The following DIAPH2 variants were observed in gnomAD, a reference collection of about 807,000 sequenced individuals.
DIAPH2 encodes diaphanous related formin 2.
DIAPH2 carries 35 observed loss-of-function variants against 92.7 expected under a neutral mutation model. That is an observed-to-expected ratio of 0.38 (90% CI 0.29 to 0.50). The LOEUF (loss-of-function observed/expected upper bound fraction) is 0.50, where lower values mean the gene tolerates loss of function less well. Among genes scored for constraint, DIAPH2 ranks in the 20% least tolerant of loss-of-function variants. The probability of loss-of-function intolerance (pLI) is 0.94; values close to 1 mark genes in which losing one functional copy is unlikely to be tolerated. For missense variants in DIAPH2, 701 were observed against 819.5 expected (o/e 0.86, Z 1.77); for synonymous variants, 301 against 280.4 (o/e 1.07, Z -0.73).
intron 26 of DIAPH2, among the ~76,000 whole-genome samples, chrX:97,589,343 C>T (rs1186174682): frequency 1.0e-5 from 1 of 96,701 alleles, no homozygotes; most frequent in Non-Finnish European, 2.0e-5. Flanking sequence ...AAAAAAGAGT[C>T]ATCCCACCAT....
At chrX:97,383,330 A>T (rs2069568700) in intron 24 of DIAPH2, among the ~76,000 whole-genome samples, 1 of 111,108 alleles carries the variant, frequency 9.0e-6, no homozygotes, top group Admixed American at 9.7e-5. Flanking sequence ...TCGCCATCAT[A>T]GACTAAAATT....
intron 26 of DIAPH2, among the ~76,000 whole-genome samples, chrX:97,438,338 G>GTTTTTT: frequency 1.9e-5 from 1 of 53,752 alleles, no homozygotes; most frequent in Non-Finnish European, 3.3e-5. Flanking sequence ...GCAGCTTCTT[G>GTTTTTT]TTTTTTTTTT....
chrX:96,898,414 C>A (rs1420326510), intron 5 of DIAPH2, among the ~76,000 whole-genome samples: 3 of 82,969 alleles, frequency 3.6e-5, no homozygotes, highest in African/African-American at 1.1e-4. Flanking sequence ...TAATGATTGC[C>A]ATTCTAACTG....
At chrX:96,807,330 A>C (rs182020797) in intron 4 of DIAPH2, among the ~76,000 whole-genome samples, 43 of 111,824 alleles carry the variant, frequency 3.8e-4, no homozygotes, top group African/African-American at 1.4e-3. Context: ...GAAAATGTTA[A>C]AGAGTTTATT....
At chrX:97,542,858 T>G (rs2071150876) in intron 26 of DIAPH2, among the ~76,000 whole-genome samples, 1 of 110,474 alleles carries the variant, frequency 9.1e-6, no homozygotes, top group African/African-American at 3.3e-5. Flanking sequence ...GACAAGGGAG[T>G]GTTTTCTAAA....
intron 24 of DIAPH2, among the ~76,000 whole-genome samples, chrX:97,367,771 C>T (rs1246557181): frequency 2.8e-5 from 3 of 106,565 alleles, no homozygotes; most frequent in East Asian, 2.9e-4. Flanking sequence ...GGCACAATCT[C>T]GGTTCACTGC....
At chrX:96,832,788 AG>A (rs1454020067) in intron 4 of DIAPH2, among the ~76,000 whole-genome samples, 1 of 111,708 alleles carries the variant, frequency 9.0e-6, no homozygotes, top group African/African-American at 3.3e-5. Context: ...CAATGATTCC[AG>A]GGCTTTTCCC....
At chrX:97,520,699 T>A (rs2070984831) in intron 26 of DIAPH2, among the ~76,000 whole-genome samples, 1 of 112,044 alleles carries the variant, frequency 8.9e-6, no homozygotes, top group Admixed American at 9.5e-5. Flanking sequence ...ATATGTAAAT[T>A]AAGGCTAGTT....
chrX:96,948,339 C>T (rs1191670260), intron 14 of DIAPH2, among the ~76,000 whole-genome samples: 1 of 111,588 alleles, frequency 9.0e-6, no homozygotes, highest in East Asian at 2.8e-4. Context: ...TTTGGGAGGC[C>T]GAGGCAGGTG....
intron 23 of DIAPH2, among the ~76,000 whole-genome samples, chrX:97,337,832 G>A (rs2069077979): frequency 9.1e-6 from 1 of 109,704 alleles, no homozygotes; most frequent in East Asian, 2.9e-4. Context: ...CTGCTCTGAT[G>A]GGTGGCAGTA....
intron 22 of DIAPH2, among the ~76,000 whole-genome samples, chrX:97,196,312 T>G (rs756580406): frequency 8.9e-6 from 1 of 111,829 alleles, no homozygotes; most frequent in Non-Finnish European, 1.9e-5. Flanking sequence ...AAGGGATTTT[T>G]GGTATTATAT....
At chrX:97,409,989 A>T (rs747687770) in intron 25 of DIAPH2, among the ~76,000 whole-genome samples, 3 of 112,298 alleles carry the variant, frequency 2.7e-5, no homozygotes, top group Admixed American at 1.9e-4. Flanking sequence ...AGACTTAAAC[A>T]TCCCTGTCTG....
chrX:97,496,682 G>A (rs1196532487), intron 26 of DIAPH2, among the ~76,000 whole-genome samples: 1 of 88,860 alleles, frequency 1.1e-5, no homozygotes, highest in Non-Finnish European at 2.1e-5. Context: ...TTTCCGAGAC[G>A]GAGTTTTGCT....
intron 26 of DIAPH2, among the ~76,000 whole-genome samples, chrX:97,482,216 CT>C (rs1260528584): frequency 8.9e-6 from 1 of 112,149 alleles, no homozygotes; most frequent in East Asian, 2.8e-4. Flanking sequence ...CATTCTCAAT[CT>C]TTTTAAACAG....
intron 4 of DIAPH2, among the ~76,000 whole-genome samples, chrX:96,769,709 A>G (rs2064325640): frequency 8.9e-6 from 1 of 111,744 alleles, no homozygotes; most frequent in South Asian, 3.8e-4. Context: ...CTCAGTCAAA[A>G]AAACAAGCCC....
chrX:96,850,975 T>C (rs900656158), intron 4 of DIAPH2, among the ~76,000 whole-genome samples: 2 of 111,939 alleles, frequency 1.8e-5, no homozygotes, highest in Non-Finnish European at 3.8e-5. Flanking sequence ...CTTATCTTTT[T>C]CCCCCCATTC....
At chrX:97,386,778 C>G (rs2069605811) in intron 25 of DIAPH2, among the ~76,000 whole-genome samples, 1 of 107,282 alleles carries the variant, frequency 9.3e-6, no homozygotes, top group Non-Finnish European at 1.9e-5. Flanking sequence ...AGATTGTGAG[C>G]TCTCTTTCTT....
intron 26 of DIAPH2, among the ~76,000 whole-genome samples, chrX:97,592,457 A>G (rs1433898362): frequency 8.9e-6 from 1 of 111,915 alleles, no homozygotes; most frequent in East Asian, 2.8e-4. Context: ...ATAACAAGCT[A>G]CTGAATTAAT....
In DIAPH2 at chrX:97,604,351, A is replaced by ACTATCAC. The variant is rs2071609503; in HGVS notation, c.*5034_*5035insCTATCAC. Reference sequence around the variant, plus strand: ...ATCTGAAAGGACCTTTTTTCCAAATAAGGTACTATCACAGGTTCCAGGGAG... The same window carrying ACTATCAC: ...ATCTGAAAGGACCTTTTTTCCAAATACTATCACAGGTACTATCACAGGTTCCAGGGAG... On this transcript the variant is annotated 3_prime_UTR_variant, in exon 27 of 27. Coordinates refer to ENST00000324765, the MANE Select transcript of DIAPH2 (RefSeq NM_006729.5). 8.9e-6 allele frequency: 1 copy of ACTATCAC among 112,052 alleles called. No individual in the cohort carries two copies. Among genetic ancestry groups the ACTATCAC allele is most frequent in the Non-Finnish European group, 1.9e-5 (1 of 53,180 alleles). 9.2% of individuals were successfully genotyped at this position (112,052 alleles called of 1,213,427 possible). A position where few individuals can be genotyped will look rare whatever the true frequency, so the allele number is the denominator to read the frequency against.
Sources: allele counts gnomAD v4.1 joint callset (sites outside exome capture counted in the v4.1 genomes callset), GRCh38; gene constraint gnomAD v4.1.1; transcripts MANE v1.5; gene names NCBI Gene and HGNC (gene_info 2026-07-23, HGNC 2026-07-21).